The following IRAK2 variants were observed in gnomAD, a reference collection of about 807,000 sequenced individuals.
IRAK2 encodes interleukin-1 receptor-associated kinase-like 2.
IRAK2 carries 57 observed loss-of-function variants against 72.0 expected under a neutral mutation model. That is an observed-to-expected ratio of 0.79 (90% CI 0.64 to 0.99). The LOEUF (loss-of-function observed/expected upper bound fraction) is 0.99. Ranked by LOEUF, IRAK2 falls within the 50% of genes least tolerant of loss-of-function variation. IRAK2 has a pLI of 0.00. For missense variants in IRAK2, 790 were observed against 794.4 expected (o/e 0.99, Z 0.07); for synonymous variants, 293 against 312.7 (o/e 0.94, Z 0.67).
In IRAK2 at chr3:10,200,443, G is replaced by A. The variant is rs754111604; in HGVS notation, c.352G>A (p.Ala118Thr). ...DSVKPEKPLA[A>T]SVRKAEDEQE... ...TGTGAAGCCAGAAAAGCCTTTGGCA[G>A]CTTCTGTAAGAAAGGCTGAGGATGA... The change falls in exon 3 of 13, where the codon GCT (alanine) becomes ACT (threonine). Residue 118 changes from alanine (A) to threonine (T), a missense_variant. Physicochemically the swap from Ala to Thr is moderately conservative, Grantham distance 58. Coordinates refer to ENST00000256458, the MANE Select transcript of IRAK2 (RefSeq NM_001570.4). The A allele has an allele frequency of 6.2e-7, 1 of 1,608,914 alleles. No homozygotes were observed. Among genetic ancestry groups the A allele is most frequent in the Non-Finnish European group, 8.5e-7 (1 of 1,175,664 alleles).
intron 3 of IRAK2, among the ~76,000 whole-genome samples, chr3:10,203,789 G>A (rs992807451): frequency 1.3e-5 from 2 of 152,092 alleles, no homozygotes; most frequent in Admixed American, 6.5e-5. Flanking sequence ...GCGCCACCAC[G>A]CCCAGCTAAT....
intron 1 of IRAK2, among the ~76,000 whole-genome samples, chr3:10,168,215 A>ATT (rs552806898): frequency 0.19 from 27,731 of 144,066 alleles, 3,189 homozygotes; most frequent in African/African-American, 0.29. Flanking sequence ...TCTTTTTTTA[A>ATT]TTTTTTTTTT....
intron 2 of IRAK2, among the ~76,000 whole-genome samples, chr3:10,181,966 TTTTC>T (rs1696966413): frequency 7.1e-6 from 1 of 141,618 alleles, no homozygotes; most frequent in Non-Finnish European, 1.5e-5. Flanking sequence ...TTTCTTTTTC[TTTTC>T]TTTTTTTTTT....
intron 1 of IRAK2, among the ~76,000 whole-genome samples, chr3:10,165,682 G>A (rs1696672651): frequency 6.9e-6 from 1 of 144,628 alleles, no homozygotes. Flanking sequence ...TTTCAGTAGA[G>A]ACCGGGTTTC....
At chr3:10,212,961 G>C (rs915353712) in intron 4 of IRAK2, among the ~76,000 whole-genome samples, 1 of 151,864 alleles carries the variant, frequency 6.6e-6, no homozygotes, top group Non-Finnish European at 1.5e-5. Flanking sequence ...GTAGAGACGG[G>C]GTTTCACTGT....
chr3:10,227,494 A>G (rs1157537327), intron 10 of IRAK2, among the ~76,000 whole-genome samples: 1 of 152,044 alleles, frequency 6.6e-6, no homozygotes, highest in African/African-American at 2.4e-5. Flanking sequence ...TGTGTTAAAT[A>G]CTTTCCATAC....
intron 1 of IRAK2, among the ~76,000 whole-genome samples, chr3:10,174,179 C>T (rs559813653): frequency 2.0e-5 from 3 of 152,268 alleles, no homozygotes; most frequent in East Asian, 3.9e-4. Flanking sequence ...AGCCGCTGAC[C>T]CAGCTGACAT....
chr3:10,226,259 C>A (rs1697773672), intron 9 of IRAK2, 112 bp from the exon 10 acceptor site: 1 of 755,546 alleles, frequency 1.3e-6, no homozygotes, highest in Non-Finnish European at 2.2e-6. Flanking sequence ...TGTCTGCTGG[C>A]AATGGCAGAG....
At chr3:10,233,787 G>T (rs560369479) in intron 10 of IRAK2, among the ~76,000 whole-genome samples, 1 of 152,318 alleles carries the variant, frequency 6.6e-6, no homozygotes, top group South Asian at 2.1e-4. Context: ...TTCCGTGTCA[G>T]ATGTCACTCT....
intron 4 of IRAK2, among the ~76,000 whole-genome samples, chr3:10,211,422 C>CG (rs1697519567): frequency 6.6e-6 from 1 of 152,056 alleles, no homozygotes; most frequent in Non-Finnish European, 1.5e-5. Context: ...AGATTACAAG[C>CG]AGTGAATCAC....
intron 2 of IRAK2, among the ~76,000 whole-genome samples, chr3:10,194,845 C>T (rs888852696): frequency 5.3e-5 from 8 of 152,172 alleles, no homozygotes; most frequent in Non-Finnish European, 8.8e-5. Flanking sequence ...ATGGGGGTTT[C>T]ACAGGAAACC....
chr3:10,165,119 G>T (rs1696659456), intron 1 of IRAK2, 71 bp downstream of exon 1: 4 of 1,368,070 alleles, frequency 2.9e-6, no homozygotes, highest in Admixed American at 1.9e-5. Context: ...TGGAGCGGCC[G>T]CCAAGCTCCC....
chr3:10,234,967 T>C (rs1300185864), intron 11 of IRAK2, among the ~76,000 whole-genome samples: 2 of 152,224 alleles, frequency 1.3e-5, no homozygotes, highest in African/African-American at 4.8e-5. Flanking sequence ...CTCTGTGTTC[T>C]CTGGAGGGAA....
At chr3:10,181,970 C>CTTT (rs376518112) in intron 2 of IRAK2, among the ~76,000 whole-genome samples, 1 of 131,830 alleles carries the variant, frequency 7.6e-6, no homozygotes, top group Non-Finnish European at 1.6e-5. Flanking sequence ...TTTTTCTTTT[C>CTTT]TTTTTTTTTT....
intron 12 of IRAK2, among the ~76,000 whole-genome samples, chr3:10,240,069 C>A (rs574458057): frequency 2.0e-5 from 3 of 151,676 alleles, no homozygotes; most frequent in African/African-American, 7.3e-5. Flanking sequence ...ATCACTTGAA[C>A]CCAAGAGGCG....
At chr3:10,177,717 A>C (rs972071405) in intron 1 of IRAK2, 121 bp from the exon 2 acceptor site, 8 of 927,980 alleles carry the variant, frequency 8.6e-6, no homozygotes, top group Middle Eastern at 4.2e-4. Flanking sequence ...TGGTGTTTCC[A>C]GTGTGGAGGC....
chr3:10,188,620 G>A (rs1193656324), intron 2 of IRAK2, among the ~76,000 whole-genome samples: 5 of 152,184 alleles, frequency 3.3e-5, no homozygotes, highest in Admixed American at 2.0e-4. Context: ...TCTGCCTCCC[G>A]GGTTCAAGCG....
chr3:10,170,643 G>A lies in IRAK2; in HGVS notation c.94+5595G>A, dbSNP rs79033401. Among the ~76,000 whole-genome samples, 1,445 of 152,342 alleles carry A rather than the reference G, an allele frequency of 9.5e-3. 9 individuals carry two copies. The highest frequency in any genetic ancestry group is 0.016 in the Non-Finnish European group (1,117 of 68,036). ...CCCCGTGCGGGCAGGGGCCTTACCT[G>A]TCTAGTTTTTCACTGCTGTATTCCC... On this transcript the variant is annotated intron_variant, in intron 1 of 12. Coordinates refer to ENST00000256458, the MANE Select transcript of IRAK2 (RefSeq NM_001570.4).
intron 1 of IRAK2, among the ~76,000 whole-genome samples, chr3:10,171,016 T>C (rs1696786395): frequency 6.6e-6 from 1 of 152,220 alleles, no homozygotes; most frequent in Non-Finnish European, 1.5e-5. Flanking sequence ...GCTAAAGTGA[T>C]TCAGAAGATC....
Sources: gnomAD v4.1 joint callset for allele counts (sites outside exome capture counted in the v4.1 genomes callset) on GRCh38, gnomAD v4.1.1 for gene constraint, MANE v1.5 for transcripts, NCBI Gene and HGNC (gene_info 2026-07-23, HGNC 2026-07-21) for gene names.